The following CNTNAP2 variants were observed in gnomAD, a reference collection of about 807,000 sequenced individuals.
The protein encoded by CNTNAP2 is contactin associated protein 2.
CNTNAP2 carries 98 observed loss-of-function variants against 155.2 expected under a neutral mutation model. That is an observed-to-expected ratio of 0.63 (90% CI 0.54 to 0.75). The LOEUF is 0.75. Ranked by LOEUF, CNTNAP2 falls within the 30% of genes least tolerant of loss-of-function variation. CNTNAP2 has a pLI of 0.00. For synonymous variants in CNTNAP2, 651 were observed against 631.2 expected (o/e 1.03, Z -0.47); for missense variants, 1,727 against 1,688.1 (o/e 1.02, Z -0.40).
At chr7:146,801,752 G>C (rs889904991) in intron 2 of CNTNAP2, among the ~76,000 whole-genome samples, 1 of 152,076 alleles carries the variant, frequency 6.6e-6, no homozygotes, top group Non-Finnish European at 1.5e-5. Context: ...TGTCAATGTG[G>C]TACAGATCAA....
chr7:148,046,916 C>G (rs560401733), intron 15 of CNTNAP2, among the ~76,000 whole-genome samples: 112 of 152,152 alleles, frequency 7.4e-4, no homozygotes, highest in African/African-American at 2.5e-3. Context: ...TTTGGGAATA[C>G]AAAAGCTTTT....
intron 1 of CNTNAP2, among the ~76,000 whole-genome samples, chr7:146,628,103 G>T (rs1799450252): frequency 6.6e-6 from 1 of 152,074 alleles, no homozygotes; most frequent in Non-Finnish European, 1.5e-5. Flanking sequence ...GTTCATATGG[G>T]ATATCTTTTT....
At chr7:147,814,886 G>A (rs1357639267) in intron 13 of CNTNAP2, among the ~76,000 whole-genome samples, 1 of 152,084 alleles carries the variant, frequency 6.6e-6, no homozygotes, top group Non-Finnish European at 1.5e-5. Flanking sequence ...TAACAGCAAA[G>A]CAAAATAATT....
chr7:147,924,143 CTTTT>C (rs71527854), intron 14 of CNTNAP2, among the ~76,000 whole-genome samples: 1 of 123,494 alleles, frequency 8.1e-6, no homozygotes, highest in South Asian at 2.6e-4. Flanking sequence ...CTTTTCTTTT[CTTTT>C]TTTTTTTTTG....
intron 11 of CNTNAP2, among the ~76,000 whole-genome samples, chr7:147,536,784 T>C (rs1281244764): frequency 6.6e-6 from 1 of 152,156 alleles, no homozygotes; most frequent in African/African-American, 2.4e-5. Context: ...TGCAATCACT[T>C]TCTTTTTCAA....
At chr7:147,495,916 T>C (rs1384497726) in intron 11 of CNTNAP2, among the ~76,000 whole-genome samples, 1 of 152,142 alleles carries the variant, frequency 6.6e-6, no homozygotes, top group East Asian at 1.9e-4. Flanking sequence ...CATTTCCACC[T>C]GAGCTCCACT....
At chr7:146,122,272 T>C (rs1356095394) in intron 1 of CNTNAP2, among the ~76,000 whole-genome samples, 2 of 152,328 alleles carry the variant, frequency 1.3e-5, no homozygotes, top group East Asian at 3.9e-4. Context: ...GCACTAATAG[T>C]GATAGCGCGA....
intron 8 of CNTNAP2, among the ~76,000 whole-genome samples, chr7:147,221,501 TCTC>T (rs1803398180): frequency 6.6e-6 from 1 of 152,110 alleles, no homozygotes; most frequent in Non-Finnish European, 1.5e-5. Context: ...GCTTCTGCTG[TCTC>T]AGGTGCCCAA....
intron 1 of CNTNAP2, among the ~76,000 whole-genome samples, chr7:146,721,021 AT>A (rs1301859561): frequency 1.9e-5 from 2 of 104,934 alleles, no homozygotes; most frequent in African/African-American, 1.7e-4. Context: ...TACTCTATAT[AT>A]TATATATACT....
chr7:146,787,356 T>TA (rs1434874932), intron 2 of CNTNAP2, among the ~76,000 whole-genome samples: 1 of 152,140 alleles, frequency 6.6e-6, no homozygotes, highest in African/African-American at 2.4e-5. Context: ...AAAGAGGGTA[T>TA]ATCCGGAGTT....
chr7:147,203,082 T>C (rs760262230), intron 8 of CNTNAP2, among the ~76,000 whole-genome samples: 3 of 151,912 alleles, frequency 2.0e-5, no homozygotes, highest in African/African-American at 4.8e-5. Flanking sequence ...GTAAGTTACA[T>C]TGAGCTGTAT....
chr7:146,809,201 T>C (rs1236298284), intron 2 of CNTNAP2, among the ~76,000 whole-genome samples: 1 of 152,188 alleles, frequency 6.6e-6, no homozygotes, highest in Non-Finnish European at 1.5e-5. Flanking sequence ...AGTATAAGCA[T>C]TCCCTTTTCT....
chr7:148,167,447 AC>A (rs1282071319), intron 17 of CNTNAP2, among the ~76,000 whole-genome samples: 2 of 152,146 alleles, frequency 1.3e-5, no homozygotes, highest in Non-Finnish European at 2.9e-5. Context: ...AATGAACACA[AC>A]AAATACAAAC....
At chr7:146,261,683 T>C (rs1046274019) in intron 1 of CNTNAP2, among the ~76,000 whole-genome samples, 1 of 152,130 alleles carries the variant, frequency 6.6e-6, no homozygotes, top group Non-Finnish European at 1.5e-5. Context: ...ATAACTCATA[T>C]ATTGTAGTCT....
intron 14 of CNTNAP2, among the ~76,000 whole-genome samples, chr7:147,961,398 G>A (rs965736714): frequency 6.6e-6 from 1 of 152,102 alleles, no homozygotes; most frequent in African/African-American, 2.4e-5. Context: ...TAACAAATAT[G>A]CAGAGCAACA....
At chr7:146,483,024 C>A (rs1409152570) in intron 1 of CNTNAP2, among the ~76,000 whole-genome samples, 1 of 151,192 alleles carries the variant, frequency 6.6e-6, no homozygotes, top group African/African-American at 2.4e-5. Flanking sequence ...CGCCTGTAAT[C>A]CCAGCACTTT....
At chr7:147,886,479 A>G (rs1446685878) in intron 13 of CNTNAP2, among the ~76,000 whole-genome samples, 4 of 80,030 alleles carry the variant, frequency 5.0e-5, no homozygotes, top group African/African-American at 2.9e-4. Context: ...CCATCTCAAA[A>G]AAAAAAAAAA....
intron 13 of CNTNAP2, among the ~76,000 whole-genome samples, chr7:147,872,033 G>A (rs1428553596): frequency 6.6e-6 from 1 of 152,210 alleles, no homozygotes; most frequent in Non-Finnish European, 1.5e-5. Context: ...GAAAAAGCCA[G>A]TGGCAGAGCC....
At chr7:146,561,520 G>A (rs374039246) in intron 1 of CNTNAP2, among the ~76,000 whole-genome samples, 137 of 152,200 alleles carry the variant, frequency 9.0e-4, no homozygotes, top group Middle Eastern at 3.4e-3. Flanking sequence ...TTAGCAGGGC[G>A]TGGTGGCACA....
Sources: gnomAD v4.1 joint callset for allele counts (sites outside exome capture counted in the v4.1 genomes callset) on GRCh38, gnomAD v4.1.1 for gene constraint, MANE v1.5 for transcripts, NCBI Gene and HGNC (gene_info 2026-07-23, HGNC 2026-07-21) for gene names.